NKAIN2: variants seen among roughly 807,000 people sequenced by gnomAD.
NKAIN2 encodes sodium/potassium-transporting ATPase subunit beta-1-interacting protein 2.
Under a neutral mutation model 32.6 loss-of-function variants are expected in NKAIN2, and 14 were observed. The ratio of observed to expected loss-of-function variants is 0.43; its 90% CI spans 0.28 to 0.67. The LOEUF (loss-of-function observed/expected upper bound fraction) is 0.67. Among genes scored for constraint, NKAIN2 ranks in the 30% least tolerant of loss-of-function variants. The pLI is 0.17. For missense variants in NKAIN2, 198 were observed against 258.3 expected, an observed-to-expected ratio of 0.77 and a Z score of 1.60; for synonymous variants, 80 against 87.2, an observed-to-expected ratio of 0.92 and a Z score of 0.46.
At chr6:124,400,085 A>G (rs1366502621) in intron 3 of NKAIN2, among the ~76,000 whole-genome samples, 4 of 152,178 alleles carry the variant, frequency 2.6e-5, no homozygotes, top group African/African-American at 9.6e-5. Context: ...TGAGGCAAGC[A>G]GAACATTCGC....
chr6:124,533,267 C>A (rs544613040), intron 3 of NKAIN2, among the ~76,000 whole-genome samples: 1 of 151,756 alleles, frequency 6.6e-6, no homozygotes, highest in Non-Finnish European at 1.5e-5. Flanking sequence ...GCTTGGAGAT[C>A]GAGACCATCC....
chr6:124,284,907 CAA>C (rs369970763), intron 2 of NKAIN2, among the ~76,000 whole-genome samples: 12 of 145,002 alleles, frequency 8.3e-5, no homozygotes, highest in Middle Eastern at 3.6e-3. Context: ...TGCTACAATG[CAA>C]AAAAAAAAAA....
At chr6:124,250,834 C>T (rs758910495) in intron 1 of NKAIN2, among the ~76,000 whole-genome samples, 27 of 151,688 alleles carry the variant, frequency 1.8e-4, no homozygotes, top group Non-Finnish European at 3.1e-4. Context: ...TAATTCATAA[C>T]GATGAAAAGA....
At chr6:124,662,365 C>G (rs1245837838) in intron 4 of NKAIN2, among the ~76,000 whole-genome samples, 2 of 151,878 alleles carry the variant, frequency 1.3e-5, no homozygotes, top group African/African-American at 4.8e-5. Context: ...GACTTAGAAA[C>G]AGTGTACAAA....
chr6:124,094,926 T>C (rs1169895611), intron 1 of NKAIN2, among the ~76,000 whole-genome samples: 4 of 152,154 alleles, frequency 2.6e-5, no homozygotes, highest in Admixed American at 2.6e-4. Context: ...GCTAGAATCA[T>C]TGAGTTGTAG....
intron 4 of NKAIN2, among the ~76,000 whole-genome samples, chr6:124,786,929 C>A (rs935955900): frequency 1.3e-5 from 2 of 152,104 alleles, no homozygotes; most frequent in African/African-American, 4.8e-5. Context: ...CGTGTTACTT[C>A]CCTTTATACA....
At position 124,103,738 on chromosome 6, in the gene NKAIN2, T is replaced by C. The variant is rs76517788; in HGVS notation, c.55-179267T>C. Among the ~76,000 whole-genome samples the C allele has an allele frequency of 3.3e-5, 5 of 152,178 alleles. No individual in the cohort carries two copies. The East Asian group carries it at 7.7e-4, about 23-fold the overall frequency. On this transcript the variant is annotated intron_variant, in intron 1 of 6. Coordinates refer to ENST00000368417, the MANE Select transcript of NKAIN2 (RefSeq NM_001040214.3). Reference sequence around the variant, plus strand: ...ATGAATATTAGTATAATAAAGAAAGTAGAAGTAGCCTAAGCTGATGTCTCC... The same window carrying C: ...ATGAATATTAGTATAATAAAGAAAGCAGAAGTAGCCTAAGCTGATGTCTCC...
At chr6:124,107,636 C>G (rs1167153334) in intron 1 of NKAIN2, among the ~76,000 whole-genome samples, 1 of 152,050 alleles carries the variant, frequency 6.6e-6, no homozygotes, top group Non-Finnish European at 1.5e-5. Context: ...ATGCAGATCT[C>G]TAGGACGTAT....
chr6:124,780,485 G>A (rs907827696), intron 4 of NKAIN2, among the ~76,000 whole-genome samples: 7 of 152,120 alleles, frequency 4.6e-5, no homozygotes, highest in Non-Finnish European at 8.8e-5. Flanking sequence ...GTTGGACAGA[G>A]AAATGCCTTA....
chr6:124,189,497 G>A (rs548756592), intron 1 of NKAIN2, among the ~76,000 whole-genome samples: 3 of 152,088 alleles, frequency 2.0e-5, no homozygotes, highest in Admixed American at 6.6e-5. Context: ...TCAGGAGTTC[G>A]AGACTATCCT....
intron 3 of NKAIN2, among the ~76,000 whole-genome samples, chr6:124,396,358 A>G (rs1773376824): frequency 6.6e-6 from 1 of 151,484 alleles, no homozygotes. Flanking sequence ...GGAATGAGAG[A>G]GGAATTGATA....
chr6:124,541,701 A>C (rs1779918596), intron 3 of NKAIN2, among the ~76,000 whole-genome samples: 1 of 152,158 alleles, frequency 6.6e-6, no homozygotes, highest in Non-Finnish European at 1.5e-5. Flanking sequence ...TGTCAATCCC[A>C]TCTGTGACAC....
intron 3 of NKAIN2, among the ~76,000 whole-genome samples, chr6:124,509,602 C>T (rs1183394535): frequency 6.6e-6 from 1 of 152,224 alleles, no homozygotes; most frequent in African/African-American, 2.4e-5. Flanking sequence ...CTGCCACTCA[C>T]TCAGGAAATT....
At chr6:124,364,135 G>A (rs1237690911) in intron 3 of NKAIN2, among the ~76,000 whole-genome samples, 1 of 150,754 alleles carries the variant, frequency 6.6e-6, no homozygotes, top group Admixed American at 6.6e-5. Context: ...CATTAAGTAG[G>A]TTTAATAGTA....
chr6:124,270,390 A>AT (rs1794702141), intron 1 of NKAIN2, among the ~76,000 whole-genome samples: 1 of 152,138 alleles, frequency 6.6e-6, no homozygotes. Context: ...TATGAGGCAT[A>AT]TTTTTGGAAA....
chr6:124,257,250 C>T (rs996394286), intron 1 of NKAIN2, among the ~76,000 whole-genome samples: 1 of 152,100 alleles, frequency 6.6e-6, no homozygotes, highest in South Asian at 2.1e-4. Flanking sequence ...TCTCTAGCTT[C>T]AAGCCTTGGT....
At chr6:124,652,682 TATA>T (rs1291250715) in intron 3 of NKAIN2, among the ~76,000 whole-genome samples, 1 of 152,118 alleles carries the variant, frequency 6.6e-6, no homozygotes, top group Non-Finnish European at 1.5e-5. Context: ...CTTGTTGTGT[TATA>T]ATATGGCAGA....
intron 3 of NKAIN2, among the ~76,000 whole-genome samples, chr6:124,587,701 A>T (rs746095957): frequency 6.6e-6 from 1 of 152,212 alleles, no homozygotes; most frequent in Non-Finnish European, 1.5e-5. Flanking sequence ...CAGGTAGACC[A>T]CAAGAGACGG....
intron 1 of NKAIN2, among the ~76,000 whole-genome samples, chr6:123,958,712 C>A (rs1777709508): frequency 1.3e-5 from 2 of 152,314 alleles, no homozygotes; most frequent in Admixed American, 6.5e-5. Flanking sequence ...TTACATATTT[C>A]CTCATCTATG....
Sources: allele counts gnomAD v4.1 joint callset (sites outside exome capture counted in the v4.1 genomes callset), GRCh38; gene constraint gnomAD v4.1.1; transcripts MANE v1.5; gene names NCBI Gene and HGNC (gene_info 2026-07-23, HGNC 2026-07-21).